Variants in PAK4 observed in about 807,000 individuals in gnomAD.
PAK4 encodes serine/threonine-protein kinase PAK 4.
PAK4 carries 49 observed loss-of-function variants against 53.5 expected under a neutral mutation model. The ratio of observed to expected loss-of-function variants is 0.92; its 90% CI spans 0.73 to 1.16. PAK4 has a LOEUF of 1.16. Ranked by LOEUF, PAK4 falls within the 50% of genes most tolerant of loss-of-function variation. The pLI is 0.00. For synonymous variants in PAK4, 376 were observed against 375.6 expected (o/e 1.00, Z -0.01); for missense variants, 824 against 850.7 (o/e 0.97, Z 0.39).
At chr19:39,162,656 G>A (rs1036077332) in intron 1 of PAK4, among the ~76,000 whole-genome samples, 1 of 152,074 alleles carries the variant, frequency 6.6e-6, no homozygotes, top group African/African-American at 2.4e-5. Flanking sequence ...TTTCTCACCC[G>A]ACTTAGTAGA....
chr19:39,177,588 C>A, intron 7 of PAK4, 87 bp from the exon 9 acceptor site: 1 of 1,396,786 alleles, frequency 7.2e-7, no homozygotes, highest in Non-Finnish European at 9.6e-7. Context: ...GAGGCAGAGA[C>A]AGCGCTGGAG....
intron 1 of PAK4, among the ~76,000 whole-genome samples, chr19:39,165,440 G>A (rs189470188): frequency 2.7e-3 from 408 of 150,104 alleles, no homozygotes; most frequent in Non-Finnish European, 4.6e-3. Flanking sequence ...GCGCAAACCC[G>A]GGAGGCGGAG....
intron 1 of PAK4, among the ~76,000 whole-genome samples, chr19:39,160,042 G>C (rs1568515202): frequency 6.6e-6 from 1 of 152,220 alleles, no homozygotes; most frequent in African/African-American, 2.4e-5. Context: ...GGCTGGGTGG[G>C]CCCCCCTGCA....
At chr19:39,153,738 G>C (rs2074132036) in intron 1 of PAK4, among the ~76,000 whole-genome samples, 1 of 152,046 alleles carries the variant, frequency 6.6e-6, no homozygotes, top group Admixed American at 6.6e-5. Flanking sequence ...CACCCCACCT[G>C]GCCTTAATTT....
chr19:39,140,863 C>G (rs1054130867), intron 1 of PAK4, among the ~76,000 whole-genome samples: 5 of 152,116 alleles, frequency 3.3e-5, no homozygotes, highest in African/African-American at 1.2e-4. Flanking sequence ...CTGCTGCCTC[C>G]CAGGGTTGCT....
chr19:39,150,175 C>T (rs151294733), intron 1 of PAK4, among the ~76,000 whole-genome samples: 5 of 106,576 alleles, frequency 4.7e-5, no homozygotes, highest in African/African-American at 1.1e-4. Flanking sequence ...TGTCCTGTTC[C>T]GCTGCTCTGT....
intron 1 of PAK4, among the ~76,000 whole-genome samples, chr19:39,126,812 C>T (rs12609418): frequency 0.36 from 54,512 of 152,054 alleles, 9,833 homozygotes; most frequent in African/African-American, 0.4. Context: ...TATTTCACTC[C>T]TGCTGCAATC....
rs2074662398 is a variant in PAK4 at position 39,178,749 on chromosome 19, C to T, written c.*170C>T. 1 of 564,732 alleles carries T rather than the reference C, an allele frequency of 1.8e-6. No homozygotes were observed. Among genetic ancestry groups the T allele is most frequent in the Non-Finnish European group, 3.0e-6 (1 of 329,830 alleles). The allele number at this position is 564,732 out of a possible 1,614,324, so 35.0% of individuals were successfully genotyped here. A position where few individuals can be genotyped will look rare whatever the true frequency, so the allele number is the denominator to read the frequency against. On this transcript the variant is annotated 3_prime_UTR_variant, in exon 9 of 9. Transcript: ENST00000358301. This position sits in a 1 kb window ranked among gnomAD's most constrained non-coding sequence, Gnocchi z 4.4. ...CCTACTACTGAACTCCAGTTTTGATCTCGTGACTTTTAGAAAAACACAGGG... is the reference window on the plus strand; with the variant it reads ...CCTACTACTGAACTCCAGTTTTGATTTCGTGACTTTTAGAAAAACACAGGG...
intron 1 of PAK4, among the ~76,000 whole-genome samples, chr19:39,144,006 A>G (rs1047176005): frequency 4.1e-4 from 62 of 151,900 alleles, no homozygotes; most frequent in Non-Finnish European, 1.5e-5. Context: ...CTCTGATTGC[A>G]CCACTACACT....
intron 1 of PAK4, among the ~76,000 whole-genome samples, chr19:39,128,022 GGA>G (rs1430688667): frequency 6.6e-6 from 1 of 152,008 alleles, no homozygotes; most frequent in African/African-American, 2.4e-5. Context: ...GGAGGGCTGA[GGA>G]GTACCTGTAT....
intron 1 of PAK4, among the ~76,000 whole-genome samples, chr19:39,129,142 C>G (rs1249945489): frequency 6.6e-6 from 1 of 152,268 alleles, no homozygotes; most frequent in East Asian, 1.9e-4. Context: ...CTCCTGGGCT[C>G]AAGCTATCCT....
At chr19:39,141,187 C>T (rs1455778270) in intron 1 of PAK4, among the ~76,000 whole-genome samples, 1 of 152,162 alleles carries the variant, frequency 6.6e-6, no homozygotes, top group African/African-American at 2.4e-5. Context: ...CAGGCCTTGT[C>T]GCCTGTGCCT....
At chr19:39,176,193 C>T (rs2074601049) in intron 6 of PAK4, among the ~76,000 whole-genome samples, 1 of 152,226 alleles carries the variant, frequency 6.6e-6, no homozygotes, top group African/African-American at 2.4e-5. Flanking sequence ...CCCTCACGGC[C>T]CTAGTGCAGG....
chr19:39,136,002 TCCCCCTTCTTCGTCAC>T (rs1384934277), intron 1 of PAK4, among the ~76,000 whole-genome samples: 1 of 106,538 alleles, frequency 9.4e-6, no homozygotes, highest in Non-Finnish European at 1.9e-5. Context: ...TTCCTCGTCA[TCCCCCTTCTTCGTCAC>T]CCCCCTTCCT....
chr19:39,163,290 C>T (rs896719250), intron 1 of PAK4, among the ~76,000 whole-genome samples: 6 of 152,086 alleles, frequency 3.9e-5, no homozygotes, highest in Non-Finnish European at 8.8e-5. Flanking sequence ...TGAAAGGATG[C>T]CTGTGGTCCT....
At chr19:39,168,549 C>G (rs2074417600) in intron 1 of PAK4, 2 of 152,328 alleles carry the variant, frequency 1.3e-5, no homozygotes, top group Non-Finnish European at 2.9e-5. Flanking sequence ...GAGGTTGTCA[C>G]CTGCCCAAGG....
At chr19:39,180,256 G>GGTGCAAGCAGCT (rs1341155092), downstream of PAK4, 2 of 152,202 alleles carry the variant, frequency 1.3e-5, no homozygotes, top group African/African-American at 4.8e-5. Flanking sequence ...GAAACCCAGC[G>GGTGCAAGCAGCT]GTGCAAGCAG....
chr19:39,156,208 C>T (rs1345027844), intron 1 of PAK4, among the ~76,000 whole-genome samples: 1 of 152,180 alleles, frequency 6.6e-6, no homozygotes, highest in African/African-American at 2.4e-5. Context: ...GCTAGAATCC[C>T]AGCCTTGGTC....
intron 4 of PAK4, among the ~76,000 whole-genome samples, chr19:39,174,430 G>A (rs1600407415): frequency 6.6e-6 from 1 of 151,344 alleles, no homozygotes; most frequent in Non-Finnish European, 1.5e-5. Context: ...TGACGTTCAG[G>A]CCCACCCCCT....
Sources: gnomAD v4.1 joint callset for allele counts (sites outside exome capture counted in the v4.1 genomes callset) on GRCh38, gnomAD v4.1.1 for gene constraint, Gnocchi (gnomAD v3.1) non-coding constraint, MANE v1.5 for transcripts, NCBI Gene and HGNC (gene_info 2026-07-23, HGNC 2026-07-21) for gene names.